The following PDE4D variants were observed in gnomAD, a reference collection of about 807,000 sequenced individuals.
PDE4D encodes the protein 3',5'-cyclic-AMP phosphodiesterase 4D.
A neutral mutation model predicts 87.4 loss-of-function variants in PDE4D; 24 were observed. The ratio of observed to expected loss-of-function variants is 0.27; its 90% CI spans 0.20 to 0.39. The LOEUF is 0.39. PDE4D is among the 10% of genes least tolerant of loss of function. The pLI is 1.00. For missense variants in PDE4D, 714 were observed against 1,041.0 expected (o/e 0.69, Z 4.32); for synonymous variants, 384 against 383.2 (o/e 1.00, Z -0.02).
rs1412008489 is a variant in PDE4D at position 58,969,324 on chromosome 5, G to C, written c.*5340C>G. 1 of 152,164 alleles carries C rather than the reference G, an allele frequency of 6.6e-6. No individual in the cohort carries two copies. Among genetic ancestry groups the C allele is most frequent in the Non-Finnish European group, 1.5e-5 (1 of 68,038 alleles). The allele number at this position is 152,164 out of a possible 1,614,324, so 9.4% of individuals were successfully genotyped here. On this transcript the variant is annotated 3_prime_UTR_variant, in exon 15 of 15. Transcript: ENST00000340635. ...TATGAGAATAAAGCTACAGAATGGG[G>C]GATATCTCACACAGGATGGTTAGCA... is the stretch of plus-strand genomic sequence containing the variant.
chr5:59,591,878 T>C (rs1018841098), intron 1 of PDE4D, among the ~76,000 whole-genome samples: 1 of 152,200 alleles, frequency 6.6e-6, no homozygotes, highest in Non-Finnish European at 1.5e-5. Flanking sequence ...GTCACCTGGA[T>C]ATCTTGCAGG....
chr5:59,017,461 A>C (rs1250733346), intron 6 of PDE4D, among the ~76,000 whole-genome samples: 1 of 152,134 alleles, frequency 6.6e-6, no homozygotes, highest in African/African-American at 2.4e-5. Flanking sequence ...AGAAAGAAGA[A>C]TCCTATGAGA....
chr5:59,885,105 G>A (rs1462807439), intron 1 of PDE4D, among the ~76,000 whole-genome samples: 1 of 151,602 alleles, frequency 6.6e-6, no homozygotes, highest in African/African-American at 2.4e-5. Flanking sequence ...TCACTGATTT[G>A]GACTGCTACC....
chr5:60,062,535 T>C (rs1276566489), intron 2 of PDE4D, among the ~76,000 whole-genome samples: 1 of 152,136 alleles, frequency 6.6e-6, no homozygotes, highest in Admixed American at 6.5e-5. Flanking sequence ...GAACCAGAAA[T>C]ACCATTTGAC....
intron 1 of PDE4D, among the ~76,000 whole-genome samples, chr5:59,593,411 C>T (rs10491441): frequency 0.11 from 16,859 of 151,810 alleles, 1,054 homozygotes; most frequent in Admixed American, 0.15. Flanking sequence ...TTTGCTTTCA[C>T]TGGAAATTTA....
chr5:59,774,420 A>C, intron 1 of PDE4D, among the ~76,000 whole-genome samples: 1 of 152,322 alleles, frequency 6.6e-6, no homozygotes, highest in Middle Eastern at 3.4e-3. Context: ...GCCAGTAAAC[A>C]GTTTTTTTAA....
At chr5:60,079,922 G>A (rs1055550867) in intron 2 of PDE4D, among the ~76,000 whole-genome samples, 1 of 152,220 alleles carries the variant, frequency 6.6e-6, no homozygotes, top group Admixed American at 6.5e-5. Context: ...GAATGTCAAT[G>A]ATAGTTTGAT....
At chr5:59,191,833 A>C (rs1367917751) in intron 3 of PDE4D, among the ~76,000 whole-genome samples, 8 of 152,088 alleles carry the variant, frequency 5.3e-5, no homozygotes, top group Admixed American at 5.2e-4. Flanking sequence ...AGCTTCCCAA[A>C]GTGCTGGGAT....
intron 6 of PDE4D, among the ~76,000 whole-genome samples, chr5:59,014,053 T>A (rs929767096): frequency 1.3e-5 from 2 of 152,200 alleles, no homozygotes; most frequent in African/African-American, 4.8e-5. Flanking sequence ...AACCACATGA[T>A]TATCTCAATA....
chr5:59,672,882 A>G (rs1292274982), intron 1 of PDE4D, among the ~76,000 whole-genome samples: 1 of 152,216 alleles, frequency 6.6e-6, no homozygotes, highest in Non-Finnish European at 1.5e-5. Flanking sequence ...AACTGCTTTG[A>G]AATCATAACA....
At chr5:60,145,976 A>T (rs1780957947) in intron 2 of PDE4D, among the ~76,000 whole-genome samples, 1 of 152,056 alleles carries the variant, frequency 6.6e-6, no homozygotes, top group Admixed American at 6.6e-5. Flanking sequence ...CACTTTGGGA[A>T]GCTGAGGCAG....
chr5:60,332,461 T>C (rs1757388577), intron 1 of PDE4D, among the ~76,000 whole-genome samples: 1 of 152,222 alleles, frequency 6.6e-6, no homozygotes, highest in African/African-American at 2.4e-5. Context: ...GTTTTTCACA[T>C]TAATTCATTT....
At chr5:59,396,986 A>G (rs1380124384) in intron 1 of PDE4D, among the ~76,000 whole-genome samples, 1 of 121,992 alleles carries the variant, frequency 8.2e-6, no homozygotes, top group Non-Finnish European at 1.7e-5. Context: ...GAGACAAAGA[A>G]GGCCATTACA....
At chr5:59,266,013 A>G (rs1360680552) in intron 1 of PDE4D, among the ~76,000 whole-genome samples, 2 of 152,102 alleles carry the variant, frequency 1.3e-5, no homozygotes, top group African/African-American at 4.8e-5. Flanking sequence ...AGCTCAATAC[A>G]AATTATAATA....
At chr5:59,787,866 A>G (rs1195918423) in intron 1 of PDE4D, among the ~76,000 whole-genome samples, 2 of 152,202 alleles carry the variant, frequency 1.3e-5, no homozygotes, top group Non-Finnish European at 2.9e-5. Context: ...TCAAGCAACT[A>G]AAATCTGATT....
intron 2 of PDE4D, among the ~76,000 whole-genome samples, chr5:60,055,328 C>G (rs1770657367): frequency 6.6e-6 from 1 of 152,012 alleles, no homozygotes; most frequent in Non-Finnish European, 1.5e-5. Context: ...AGCCAAGGAG[C>G]AAGGAAAGAA....
At chr5:60,113,094 A>G (rs1012867096) in intron 2 of PDE4D, among the ~76,000 whole-genome samples, 5 of 152,040 alleles carry the variant, frequency 3.3e-5, no homozygotes. Context: ...CTCCATAATA[A>G]TATAAAATTT....
At chr5:60,191,053 T>C (rs972557009) in intron 1 of PDE4D, among the ~76,000 whole-genome samples, 2 of 152,144 alleles carry the variant, frequency 1.3e-5, no homozygotes, top group Admixed American at 6.5e-5. Flanking sequence ...ATTTTTGTTC[T>C]CTTCATTTTA....
chr5:60,266,811 G>A (rs571596443), intron 1 of PDE4D, among the ~76,000 whole-genome samples: 4 of 152,362 alleles, frequency 2.6e-5, no homozygotes, highest in African/African-American at 9.6e-5. Context: ...TAGAATGTCA[G>A]TAGACACATT....
Sources: gnomAD v4.1 joint callset for allele counts (sites outside exome capture counted in the v4.1 genomes callset) on GRCh38, gnomAD v4.1.1 for gene constraint, MANE v1.5 for transcripts, NCBI Gene and HGNC (gene_info 2026-07-23, HGNC 2026-07-21) for gene names.